PDE4D: variants seen among roughly 807,000 people sequenced by gnomAD.
The protein encoded by PDE4D is phosphodiesterase 4D, also known as 3',5'-cyclic-AMP phosphodiesterase 4D.
In PDE4D, 24 loss-of-function variants were observed where a neutral mutation model predicts 87.4. The ratio of observed to expected loss-of-function variants is 0.27; its 90% CI spans 0.20 to 0.39. PDE4D has a LOEUF of 0.39. Ranked by LOEUF, PDE4D falls within the 10% of genes least tolerant of loss-of-function variation. The pLI is 1.00. For synonymous variants in PDE4D, 384 were observed against 383.2 expected (o/e 1.00, Z -0.02); for missense variants, 714 against 1,041.0 (o/e 0.69, Z 4.32).
At chr5:60,449,413 T>A (rs1408050618) in intron 1 of PDE4D, among the ~76,000 whole-genome samples, 1 of 146,268 alleles carries the variant, frequency 6.8e-6, no homozygotes, top group African/African-American at 2.5e-5. Flanking sequence ...AAACACCGCA[T>A]ATTCTCACTC....
At chr5:59,163,671 C>T (rs1268735712) in intron 5 of PDE4D, among the ~76,000 whole-genome samples, 1 of 152,164 alleles carries the variant, frequency 6.6e-6, no homozygotes, top group African/African-American at 2.4e-5. Context: ...TCTTTTCCAC[C>T]TTCTGACTTC....
intron 2 of PDE4D, among the ~76,000 whole-genome samples, chr5:60,087,693 C>G (rs373411285): frequency 1.2e-4 from 18 of 151,380 alleles, no homozygotes; most frequent in African/African-American, 4.4e-4. Flanking sequence ...ATGAAATTAC[C>G]CAGTCAGAGA....
At chr5:59,340,920 C>A (rs772836084) in intron 1 of PDE4D, among the ~76,000 whole-genome samples, 1 of 152,000 alleles carries the variant, frequency 6.6e-6, no homozygotes, top group African/African-American at 2.4e-5. Context: ...TTTTCTTTAT[C>A]CGTTAATTGG....
chr5:59,854,424 T>C (rs1359386636), intron 1 of PDE4D, among the ~76,000 whole-genome samples: 1 of 152,100 alleles, frequency 6.6e-6, no homozygotes, highest in Non-Finnish European at 1.5e-5. Context: ...ATTTGTGACT[T>C]CCTTTTTAAT....
intron 1 of PDE4D, among the ~76,000 whole-genome samples, chr5:59,559,258 C>A (rs952362783): frequency 6.6e-6 from 1 of 152,126 alleles, no homozygotes; most frequent in South Asian, 2.1e-4. Context: ...ATTGAAAATA[C>A]GGCCTAAAAT....
In PDE4D at chr5:59,953,403, A is replaced by G. The variant is rs545064676; in HGVS notation, c.272+35085T>C. Among the ~76,000 whole-genome samples, 6 of 152,264 alleles carry G rather than the reference A, an allele frequency of 3.9e-5. No individual in the cohort carries two copies. The East Asian group carries it at 1.2e-3, about 29-fold the overall frequency. ...TCGAAGCCATAAAAATGAAACAATT[A>G]GACTATTATTTTAGGTTTCATATGT... On this transcript the variant is annotated intron_variant, in intron 3 of 16. Transcript: ENST00000502484.
chr5:58,988,343 A>G, intron 11 of PDE4D, 150 bp downstream of exon 11: 2 of 397,368 alleles, frequency 5.0e-6, no homozygotes, highest in Non-Finnish European at 8.9e-6. Flanking sequence ...TTTCAGTTAA[A>G]TTACATTAAC....
chr5:59,046,271 TATGTGTGTGC>T (rs1240315257), intron 5 of PDE4D, among the ~76,000 whole-genome samples: 2 of 152,188 alleles, frequency 1.3e-5, no homozygotes, highest in African/African-American at 4.8e-5. Flanking sequence ...AGGGAATATG[TATGTGTGTGC>T]ATGTGTGTAA....
intron 2 of PDE4D, among the ~76,000 whole-genome samples, chr5:60,060,867 G>A (rs574606023): frequency 2.6e-4 from 39 of 151,936 alleles, no homozygotes; most frequent in East Asian, 1.2e-3. Context: ...AAAGACCTTC[G>A]AAAAAATTCA....
At chr5:59,492,808 C>T (rs1806458720) in intron 1 of PDE4D, among the ~76,000 whole-genome samples, 1 of 152,166 alleles carries the variant, frequency 6.6e-6, no homozygotes, top group African/African-American at 2.4e-5. Context: ...CTTTCTCGTG[C>T]TGTTCTCATG....
chr5:59,878,839 C>T (rs998210664), intron 1 of PDE4D, among the ~76,000 whole-genome samples: 6 of 150,640 alleles, frequency 4.0e-5, no homozygotes, highest in Non-Finnish European at 7.4e-5. Context: ...ACCTAAATCA[C>T]ACCTTTAATT....
intron 1 of PDE4D, among the ~76,000 whole-genome samples, chr5:60,320,153 T>C (rs957608842): frequency 1.3e-5 from 2 of 152,224 alleles, no homozygotes; most frequent in African/African-American, 4.8e-5. Context: ...CCCAGCCGCT[T>C]TGTTTACCTA....
At chr5:59,110,386 T>C (rs924002309) in intron 5 of PDE4D, among the ~76,000 whole-genome samples, 1 of 152,298 alleles carries the variant, frequency 6.6e-6, no homozygotes, top group African/African-American at 2.4e-5. Flanking sequence ...ATACCCCTAG[T>C]AACTCCTAAC....
intron 3 of PDE4D, chr5:59,987,618 C>T (rs1295449406): frequency 6.6e-6 from 1 of 152,138 alleles, no homozygotes; most frequent in African/African-American, 2.4e-5. Context: ...AATGTGGGAC[C>T]ATCACATTTG....
chr5:59,763,275 GTAAC>G (rs1438897449), intron 1 of PDE4D, among the ~76,000 whole-genome samples: 6 of 151,416 alleles, frequency 4.0e-5, no homozygotes, highest in Non-Finnish European at 7.4e-5. Flanking sequence ...GTATACATAT[GTAAC>G]TAACCTGCAC....
At chr5:59,366,906 G>GA (rs1208833433) in intron 1 of PDE4D, among the ~76,000 whole-genome samples, 1 of 152,174 alleles carries the variant, frequency 6.6e-6, no homozygotes, top group African/African-American at 2.4e-5. Flanking sequence ...GAGTGACAGA[G>GA]AAAACCTAAT....
At chr5:60,414,236 ACATT>A (rs957832930) in intron 1 of PDE4D, among the ~76,000 whole-genome samples, 1 of 152,170 alleles carries the variant, frequency 6.6e-6, no homozygotes, top group Non-Finnish European at 1.5e-5. Flanking sequence ...TATTATCCAT[ACATT>A]GTTTTTATAT....
At chr5:59,832,204 T>C (rs533170796) in intron 1 of PDE4D, among the ~76,000 whole-genome samples, 2 of 152,170 alleles carry the variant, frequency 1.3e-5, no homozygotes, top group African/African-American at 4.8e-5. Flanking sequence ...TTTGCTCAAA[T>C]AGAAATTCCT....
chr5:60,348,169 G>A (rs904576472), intron 1 of PDE4D, among the ~76,000 whole-genome samples: 4 of 152,092 alleles, frequency 2.6e-5, no homozygotes, highest in African/African-American at 9.7e-5. Flanking sequence ...GGTGAATATA[G>A]GGTGAATAAA....
Sources: allele counts gnomAD v4.1 joint callset (sites outside exome capture counted in the v4.1 genomes callset), GRCh38; gene constraint gnomAD v4.1.1; transcripts MANE v1.5; gene names NCBI Gene and HGNC (gene_info 2026-07-23, HGNC 2026-07-21).